Variants in NFIB observed in about 807,000 individuals in gnomAD.
NFIB encodes the protein nuclear factor 1 B-type.
In NFIB, 11 loss-of-function variants were observed where a neutral mutation model predicts 61.5. The ratio of observed to expected loss-of-function variants is 0.18; its 90% CI spans 0.11 to 0.30. The LOEUF (loss-of-function observed/expected upper bound fraction) is 0.30. Among genes scored for constraint, NFIB ranks in the 10% least tolerant of loss-of-function variants. The pLI, the probability that NFIB is intolerant of heterozygous loss-of-function variation, is 1.00. For synonymous variants in NFIB, 260 were observed against 216.5 expected (o/e 1.20, Z -1.76); for missense variants, 471 against 608.9 (o/e 0.77, Z 2.38).
At chr9:14,106,760 G>T (rs540038023) in intron 10 of NFIB, among the ~76,000 whole-genome samples, 1 of 152,144 alleles carries the variant, frequency 6.6e-6, no homozygotes, top group South Asian at 2.1e-4. Context: ...TCAAATGGGG[G>T]TCCTCCTTTG....
intron 10 of NFIB, among the ~76,000 whole-genome samples, chr9:14,095,539 T>G (rs543528672): frequency 6.6e-6 from 1 of 152,242 alleles, no homozygotes; most frequent in East Asian, 1.9e-4. Flanking sequence ...CTCCTCTTAT[T>G]TGCATATGTG....
At chr9:14,344,717 C>T (rs917774959) in intron 1 of NFIB, among the ~76,000 whole-genome samples, 2 of 151,962 alleles carry the variant, frequency 1.3e-5, no homozygotes, top group South Asian at 2.1e-4. Context: ...CCCACTGAAC[C>T]TCCTCCTACA....
At chr9:14,445,932 T>C in the NFIB span, among the ~76,000 whole-genome samples, 1 of 152,176 alleles carries the variant, frequency 6.6e-6, no homozygotes, top group Non-Finnish European at 1.5e-5. Flanking sequence ...ATTAGAGAGT[T>C]TTCTGGTAAC....
the NFIB span, among the ~76,000 whole-genome samples, chr9:14,512,928 C>G: frequency 7.7e-5 from 6 of 78,204 alleles, no homozygotes; most frequent in African/African-American, 1.3e-4. Flanking sequence ...TGTTCCAAAG[C>G]TTTTGAAAAA....
chr9:14,244,219 C>T (rs2054645107), intron 2 of NFIB, among the ~76,000 whole-genome samples: 1 of 152,114 alleles, frequency 6.6e-6, no homozygotes, highest in Non-Finnish European at 1.5e-5. Context: ...ATTCTCTTTC[C>T]TATTTAAATA....
chr9:14,490,462 C>T, the NFIB span, among the ~76,000 whole-genome samples: 5 of 152,200 alleles, frequency 3.3e-5, no homozygotes, highest in East Asian at 9.6e-4. Flanking sequence ...AAGATTAATA[C>T]ATTTGATTAT....
chr9:14,175,407 C>T (rs1003414837), intron 3 of NFIB, among the ~76,000 whole-genome samples: 1 of 151,990 alleles, frequency 6.6e-6, no homozygotes, highest in African/African-American at 2.4e-5. Context: ...ATCTCCTGAC[C>T]TCGTGATCCA....
chr9:14,507,100 G>C, the NFIB span, among the ~76,000 whole-genome samples: 1 of 152,138 alleles, frequency 6.6e-6, no homozygotes, highest in Non-Finnish European at 1.5e-5. Context: ...ATGCACAGTA[G>C]CTAACAATTG....
the NFIB span, among the ~76,000 whole-genome samples, chr9:14,499,956 G>A: frequency 5.3e-5 from 8 of 152,204 alleles, no homozygotes; most frequent in Admixed American, 2.0e-4. Flanking sequence ...CTTCCTTGAT[G>A]AGAAGCAACT....
chr9:14,315,474 C>A (rs1006139326), upstream of NFIB, among the ~76,000 whole-genome samples: 1 of 147,750 alleles, frequency 6.8e-6, no homozygotes. Flanking sequence ...GCCCGGGGCG[C>A]CGGCGGAAAG....
chr9:14,269,570 A>G (rs2057451575), intron 2 of NFIB, among the ~76,000 whole-genome samples: 1 of 152,208 alleles, frequency 6.6e-6, no homozygotes, highest in Non-Finnish European at 1.5e-5. Context: ...TGTTCTTACC[A>G]TCTGCACACA....
chr9:14,406,019 T>C, the NFIB span, among the ~76,000 whole-genome samples: 1 of 152,210 alleles, frequency 6.6e-6, no homozygotes, highest in African/African-American at 2.4e-5. Flanking sequence ...ATACCTTTGA[T>C]TATTAAAATA....
At chr9:14,530,677 C>T in the NFIB span, among the ~76,000 whole-genome samples, 1 of 152,146 alleles carries the variant, frequency 6.6e-6, no homozygotes, top group Non-Finnish European at 1.5e-5. Flanking sequence ...AACCCTCTTG[C>T]CTGGCAATGC....
At chr9:14,199,717 T>C (rs2048820053) in intron 2 of NFIB, among the ~76,000 whole-genome samples, 1 of 152,224 alleles carries the variant, frequency 6.6e-6, no homozygotes, top group East Asian at 1.9e-4. Context: ...TTAAAAGAAA[T>C]TCTCAAGTCA....
At chr9:14,440,181 C>T in the NFIB span, among the ~76,000 whole-genome samples, 1 of 152,132 alleles carries the variant, frequency 6.6e-6, no homozygotes, top group Non-Finnish European at 1.5e-5. Context: ...GGGGCTGGGG[C>T]AGTCTACCGC....
At chr9:14,295,427 T>C (rs551255308) in intron 2 of NFIB, among the ~76,000 whole-genome samples, 328 of 151,780 alleles carry the variant, frequency 2.2e-3, no homozygotes, top group African/African-American at 7.3e-3. Context: ...GAGATGGAGA[T>C]CATCCTGGCT....
chr9:14,421,142 G>A, the NFIB span, among the ~76,000 whole-genome samples: 1 of 149,606 alleles, frequency 6.7e-6, no homozygotes, highest in African/African-American at 2.4e-5. Context: ...TTCATAAAGA[G>A]ACAAGCCCCT....
intron 2 of NFIB, among the ~76,000 whole-genome samples, chr9:14,238,803 A>G (rs1378404267): frequency 1.3e-5 from 2 of 152,168 alleles, no homozygotes; most frequent in East Asian, 1.9e-4. Context: ...ACAGATAAAC[A>G]GTAACACAAT....
At chr9:14,336,179 A>C (rs1342740514) in intron 1 of NFIB, among the ~76,000 whole-genome samples, 1 of 152,234 alleles carries the variant, frequency 6.6e-6, no homozygotes, top group African/African-American at 2.4e-5. Flanking sequence ...GTTTTTAACA[A>C]GTTTTCTCCA....
Sources: allele counts gnomAD v4.1 joint callset (sites outside exome capture counted in the v4.1 genomes callset), GRCh38; gene constraint gnomAD v4.1.1; transcripts MANE v1.5; gene names NCBI Gene and HGNC (gene_info 2026-07-23, HGNC 2026-07-21).